The following DDX25 variants were observed in gnomAD, a reference collection of about 807,000 sequenced individuals.
DDX25 encodes the protein ATP-dependent RNA helicase DDX25.
DDX25 carries 70 observed loss-of-function variants against 64.6 expected under a neutral mutation model. That is an observed-to-expected ratio of 1.08 (90% CI 0.89 to 1.32). The LOEUF (loss-of-function observed/expected upper bound fraction) is 1.32. DDX25 is among the 40% of genes most tolerant of loss of function. The probability of loss-of-function intolerance (pLI) is 0.00; values close to 1 mark genes in which losing one functional copy is unlikely to be tolerated. For missense variants in DDX25, 587 were observed against 604.4 expected, an observed-to-expected ratio of 0.97 and a Z score of 0.30; for synonymous variants, 211 against 213.3, an observed-to-expected ratio of 0.99 and a Z score of 0.09.
intron 8 of DDX25, among the ~76,000 whole-genome samples, chr11:125,912,673 C>A (rs1357291016): frequency 1.3e-5 from 2 of 151,890 alleles, no homozygotes; most frequent in African/African-American, 4.8e-5. Flanking sequence ...CCCACAGATA[C>A]AGATGGCACT....
chr11:125,908,850 C>T (rs1437715152), intron 6 of DDX25, among the ~76,000 whole-genome samples: 1 of 152,158 alleles, frequency 6.6e-6, no homozygotes, highest in Non-Finnish European at 1.5e-5. Context: ...TAGCACAGTG[C>T]CTGGCTTGTA....
chr11:125,910,404 C>A lies in DDX25; in HGVS notation c.548C>A (p.Thr183Asn). 2 of 1,614,022 alleles carry A rather than the reference C, an allele frequency of 1.2e-6. No homozygotes were observed. The highest frequency in any genetic ancestry group is 1.7e-6 in the Non-Finnish European group (2 of 1,179,884). Residue 183 changes from threonine to asparagine, a missense_variant, in exon 7 of 12, where the codon ACT becomes AAT. Coordinates refer to ENST00000263576, the MANE Select transcript of DDX25 (RefSeq NM_013264.5). ...CCTACTTATGAATTGGCTCTGCAAA[C>A]TGGCCGTGTGGTTGAGCAGATGGGA... ...LAPTYELALQ[T>N]GRVVEQMGKF... is the part of the protein sequence containing the mutation.
intron 11 of DDX25, chr11:125,922,482 G>GAGGA (rs1218803840): frequency 8.5e-6 from 2 of 236,144 alleles, no homozygotes; most frequent in Non-Finnish European, 1.6e-5. Flanking sequence ...AGGACAGGGT[G>GAGGA]AGGAAGATGT....
rs1945162096 is a variant in DDX25, at chr11:125,925,824, A to G, written c.*2943A>G. ...TAGGAAAGGCAAATAAGTTGGTCAT[A>G]GTCTGGTAGGATGTGTGACAGCCGC... is the stretch of plus-strand genomic sequence containing the variant. On this transcript the variant is annotated 3_prime_UTR_variant, in exon 12 of 12. Coordinates refer to ENST00000263576, the MANE Select transcript of DDX25 (RefSeq NM_013264.5). 1 of 185,930 alleles carries G rather than the reference A, an allele frequency of 5.4e-6. No homozygotes were observed. The highest frequency in any genetic ancestry group is 1.1e-5 in the Non-Finnish European group (1 of 87,018). The allele number at this position is 185,930 out of a possible 1,614,324, so 11.5% of individuals were successfully genotyped here. A position where few individuals can be genotyped will look rare whatever the true frequency, so the allele number is the denominator to read the frequency against.
chr11:125,904,290 C>A (rs1210697087), upstream of DDX25: 33 of 365,370 alleles, frequency 9.0e-5, no homozygotes, highest in Non-Finnish European at 4.8e-6. Context: ...CCCTCCGCCC[C>A]GCTCTCTGCC....
intron 8 of DDX25, among the ~76,000 whole-genome samples, chr11:125,913,862 A>G (rs1591518592): frequency 6.7e-5 from 1 of 14,836 alleles, no homozygotes; most frequent in Non-Finnish European, 1.4e-4. Flanking sequence ...TAACAATCCA[A>G]AAAAAAAAAT....
intron 8 of DDX25, among the ~76,000 whole-genome samples, chr11:125,914,201 C>T (rs1230741068): frequency 6.6e-6 from 1 of 152,196 alleles, no homozygotes; most frequent in African/African-American, 2.4e-5. Flanking sequence ...CTTGGCTAGC[C>T]TTTCATGATC....
rs1228838495 is a variant in DDX25, at chr11:125,920,079, G to A, written c.1202-1112G>A. On this transcript the variant is annotated intron_variant, in intron 10 of 11. Coordinates refer to ENST00000263576, the MANE Select transcript of DDX25 (RefSeq NM_013264.5). ...CTGACCCGGACAGCTTGTTAATGTT[G>A]AGAAGGAAGGTACAGTGGGGAGGGG... Among the ~76,000 whole-genome samples the A allele has an allele frequency of 2.0e-5, 3 of 152,226 alleles. 1 individual carries two copies. The highest frequency in any genetic ancestry group is 4.4e-5 in the Non-Finnish European group (3 of 68,042).
chr11:125,904,449 G>C (rs1944845854), upstream of DDX25: 12 of 1,335,830 alleles, frequency 9.0e-6, no homozygotes, highest in Non-Finnish European at 1.2e-5. Flanking sequence ...TTGGCCAGCG[G>C]ATGGGGCCAG....
chr11:125,904,901 T>A (rs531147794), intron 1 of DDX25: 1 of 549,462 alleles, frequency 1.8e-6, no homozygotes, highest in Admixed American at 3.2e-5. Flanking sequence ...CTCGCTTCCA[T>A]CCATTTGCCA....
At chr11:125,916,900 C>A in intron 8 of DDX25, 114 bp from the exon 9 acceptor site, 1 of 991,262 alleles carries the variant, frequency 1.0e-6, no homozygotes, top group Non-Finnish European at 1.5e-6. Flanking sequence ...TCATTGCAGG[C>A]AGCACCTCAC....
rs943015342 is a variant in DDX25, at chr11:125,924,355, G to C, written c.*1474G>C. On this transcript the variant is annotated 3_prime_UTR_variant, in exon 12 of 12. Coordinates refer to ENST00000263576, the MANE Select transcript of DDX25 (RefSeq NM_013264.5). ...ACACCAGGGAAAAGGAGGTGAGTGA[G>C]ATACAACAGCCATGTTGGAATTCAG... is the stretch of plus-strand genomic sequence containing the variant. The C allele has an allele frequency of 6.6e-6, 1 of 152,230 alleles. No homozygotes were observed. The highest frequency in any genetic ancestry group is 1.5e-5 in the Non-Finnish European group (1 of 68,094). 9.4% of individuals were successfully genotyped at this position (152,230 alleles called of 1,614,324 possible). A position where few individuals can be genotyped will look rare whatever the true frequency, so the allele number is the denominator to read the frequency against.
chr11:125,905,908 A>G (rs374276182), intron 3 of DDX25, among the ~76,000 whole-genome samples, 166 bp from the exon 4 acceptor site: 30 of 152,356 alleles, frequency 2.0e-4, no homozygotes, highest in African/African-American at 7.0e-4. Context: ...GAATCCTCAT[A>G]AAGAACGAAT....
Position 125,922,666 on chromosome 11 carries a change from T to C in DDX25, c.1391-154T>C. 5.2e-6 allele frequency: 3 copies of C among 572,350 alleles called. No individual in the cohort carries two copies. The South Asian group carries it at 8.5e-5, about 16-fold the overall frequency. 35.5% of individuals were successfully genotyped at this position (572,350 alleles called of 1,614,324 possible). ...CTGGTGCATTTGATGCTGTTTGAGTTAGTATTGGTCAGTGATTTTGGCACC... is the reference window on the plus strand; with the variant it reads ...CTGGTGCATTTGATGCTGTTTGAGTCAGTATTGGTCAGTGATTTTGGCACC... On this transcript the variant is annotated intron_variant, in intron 11 of 11. Coordinates refer to ENST00000263576, the MANE Select transcript of DDX25 (RefSeq NM_013264.5).
intron 11 of DDX25, chr11:125,922,143 C>G (rs1042645428): frequency 2.0e-5 from 3 of 152,228 alleles, no homozygotes; most frequent in Non-Finnish European, 4.4e-5. Flanking sequence ...CTCCAGCCCC[C>G]CATCTAAACA....
In DDX25 at chr11:125,906,217, T is replaced by C. The variant is rs1234273033; in HGVS notation, c.311+8T>C. On this transcript the variant is annotated splice_region_variant and intron_variant, in intron 4 of 11. Transcript: ENST00000263576. ...ATTTGAAGAGCTGCGGCTGTGAGTA[T>C]TTTTACTCTTTTAATATGGGAAAAA... The C allele has an allele frequency of 4.6e-6, 7 of 1,530,512 alleles. No individual in the cohort carries two copies. Among genetic ancestry groups the C allele is most frequent in the Non-Finnish European group, 8.8e-7 (1 of 1,141,140 alleles). 94.8% of individuals were successfully genotyped at this position (1,530,512 alleles called of 1,614,324 possible). A position where few individuals can be genotyped will look rare whatever the true frequency, so the allele number is the denominator to read the frequency against.
In DDX25 at chr11:125,908,506, A is replaced by C. The variant is rs780745189; in HGVS notation, c.507+3A>C. 6.2e-7 allele frequency: 1 copy of C among 1,612,956 alleles called. No individual in the cohort carries two copies. The highest frequency in any genetic ancestry group is 8.5e-7 in the Non-Finnish European group (1 of 1,179,820). ...ATGCCTTGGAATTGTTCCCACAGGT[A>C]AGGGAAGGCTGAGAGAAGACTGGGA... On this transcript the variant is annotated splice_donor_region_variant and intron_variant, in intron 6 of 11. Coordinates refer to ENST00000263576, the MANE Select transcript of DDX25 (RefSeq NM_013264.5).
intron 7 of DDX25, among the ~76,000 whole-genome samples, 153 bp from the exon 8 acceptor site, chr11:125,911,158 G>A (rs1483090348): frequency 1.3e-5 from 2 of 152,124 alleles, no homozygotes; most frequent in Admixed American, 6.5e-5. Flanking sequence ...AAATTCTGCA[G>A]AATCAAAAAC....
chr11:125,907,366 T>C (rs1403903292), intron 4 of DDX25, among the ~76,000 whole-genome samples: 1 of 152,124 alleles, frequency 6.6e-6, no homozygotes, highest in Non-Finnish European at 1.5e-5. Context: ...CCCAGCACTT[T>C]GGGAGGCCAA....
Sources: allele counts gnomAD v4.1 joint callset (sites outside exome capture counted in the v4.1 genomes callset), GRCh38; gene constraint gnomAD v4.1.1; transcripts MANE v1.5; gene names NCBI Gene and HGNC (gene_info 2026-07-23, HGNC 2026-07-21).